Variants in RFX3 observed in about 807,000 individuals in gnomAD.
The protein encoded by RFX3 is regulatory factor X3.
RFX3 carries 14 observed loss-of-function variants against 98.6 expected under a neutral mutation model. That is an observed-to-expected ratio of 0.14 (90% confidence interval 0.09 to 0.22). RFX3 has a LOEUF of 0.22. RFX3 is among the 10% of genes least tolerant of loss of function. The pLI, the probability that RFX3 is intolerant of heterozygous loss-of-function variation, is 1.00. For synonymous variants in RFX3, 383 were observed against 328.4 expected, an observed-to-expected ratio of 1.17 and a Z score of -1.80; for missense variants, 639 against 926.9, an observed-to-expected ratio of 0.69 and a Z score of 4.03.
intron 2 of RFX3, among the ~76,000 whole-genome samples, chr9:3,379,616 T>C (rs1352260517): frequency 6.6e-6 from 1 of 152,194 alleles, no homozygotes; most frequent in Non-Finnish European, 1.5e-5. Context: ...CATCTATTAA[T>C]AGATTCAATT....
At chr9:3,471,646 T>C (rs1332048005) in intron 1 of RFX3, among the ~76,000 whole-genome samples, 1 of 152,236 alleles carries the variant, frequency 6.6e-6, no homozygotes, top group Non-Finnish European at 1.5e-5. Flanking sequence ...TCTAAGACTT[T>C]TAAGAAAATT....
At chr9:3,499,258 C>T (rs1815715007) in intron 1 of RFX3, among the ~76,000 whole-genome samples, 2 of 151,980 alleles carry the variant, frequency 1.3e-5, no homozygotes, top group African/African-American at 4.8e-5. Flanking sequence ...GTACCTTCAA[C>T]TTTTATAAAC....
At chr9:3,438,385 G>A (rs1364343865) in intron 1 of RFX3, among the ~76,000 whole-genome samples, 4 of 151,900 alleles carry the variant, frequency 2.6e-5, no homozygotes, top group African/African-American at 9.7e-5. Flanking sequence ...ATTGGAGCTA[G>A]GTCAAGAGGA....
chr9:3,305,869 T>C (rs1829243778), intron 4 of RFX3, among the ~76,000 whole-genome samples: 1 of 152,056 alleles, frequency 6.6e-6, no homozygotes, highest in South Asian at 2.1e-4. Context: ...TAAATATTTG[T>C]TCAACCTTCT....
rs1310825386 is a variant in RFX3, at chr9:3,222,855, T to C, written c.*2187A>G. 4 of 152,196 alleles carry C rather than the reference T, an allele frequency of 2.6e-5. No homozygotes were observed. Among genetic ancestry groups the C allele is most frequent in the African/African-American group, 9.6e-5 (4 of 41,462 alleles). The allele number at this position is 152,196 out of a possible 1,614,324, so 9.4% of individuals were successfully genotyped here. A position where few individuals can be genotyped will look rare whatever the true frequency, so the allele number is the denominator to read the frequency against. ...GATGCTACTATGCTAGTGAAGACTT[T>C]CAAATATATGAGTGAGTTGTATAAT... On this transcript the variant is annotated 3_prime_UTR_variant, in exon 17 of 17. Coordinates refer to ENST00000617270, the MANE Select transcript of RFX3 (RefSeq NM_001282116.2).
At chr9:3,494,633 C>A (rs903813252) in intron 1 of RFX3, among the ~76,000 whole-genome samples, 1 of 152,060 alleles carries the variant, frequency 6.6e-6, no homozygotes, top group African/African-American at 2.4e-5. Context: ...ATATAATAAA[C>A]ATTCATTAAT....
At chr9:3,232,233 G>T (rs1162970811) in intron 15 of RFX3, among the ~76,000 whole-genome samples, 1 of 152,196 alleles carries the variant, frequency 6.6e-6, no homozygotes, top group African/African-American at 2.4e-5. Context: ...ATTAGAGGGG[G>T]CTACTCTTCA....
chr9:3,450,051 C>G (rs948541436), intron 1 of RFX3, among the ~76,000 whole-genome samples: 6 of 152,136 alleles, frequency 3.9e-5, no homozygotes. Context: ...AATCTGGTTG[C>G]TTGATGGGCT....
intron 15 of RFX3, among the ~76,000 whole-genome samples, chr9:3,233,338 T>A (rs1818728253): frequency 6.6e-6 from 1 of 152,200 alleles, no homozygotes; most frequent in Non-Finnish European, 1.5e-5. Context: ...TATCTATACC[T>A]GAGCATACTG....
intron 3 of RFX3, among the ~76,000 whole-genome samples, chr9:3,335,113 C>T (rs1293840908): frequency 6.6e-6 from 1 of 151,744 alleles, no homozygotes; most frequent in African/African-American, 2.4e-5. Context: ...AGCGAAACTC[C>T]ATCTCAAAAA....
At chr9:3,324,938 T>C (rs1200670319) in intron 4 of RFX3, among the ~76,000 whole-genome samples, 1 of 152,068 alleles carries the variant, frequency 6.6e-6, no homozygotes, top group Non-Finnish European at 1.5e-5. Context: ...CACTCCAGCC[T>C]GGGTGGCAGA....
chr9:3,262,120 T>C (rs1274228767), intron 13 of RFX3, among the ~76,000 whole-genome samples: 1 of 152,216 alleles, frequency 6.6e-6, no homozygotes. Flanking sequence ...ATGGTCTCTT[T>C]TGAAACCCCA....
intron 7 of RFX3, among the ~76,000 whole-genome samples, chr9:3,280,154 T>C (rs1825749441): frequency 6.6e-6 from 1 of 151,880 alleles, no homozygotes; most frequent in South Asian, 2.1e-4. Context: ...GTGCATTCAT[T>C]CTTGGTTGCT....
At chr9:3,231,013 T>A (rs1208535964) in intron 15 of RFX3, among the ~76,000 whole-genome samples, 2 of 152,244 alleles carry the variant, frequency 1.3e-5, no homozygotes, top group Non-Finnish European at 2.9e-5. Context: ...ATACATTTGA[T>A]AATTCAGAGG....
chr9:3,472,396 G>A lies in RFX3; in HGVS notation c.-9+53351C>T, dbSNP rs1848854831. On this transcript the variant is annotated intron_variant, in intron 1 of 16. Coordinates refer to ENST00000617270, the MANE Select transcript of RFX3 (RefSeq NM_001282116.2). ...TAAAATCTAGATAACACACCCTAGTGAGATACTGTAATGAGAAAATGATGT... is the reference window on the plus strand; with the variant it reads ...TAAAATCTAGATAACACACCCTAGTAAGATACTGTAATGAGAAAATGATGT... Among the ~76,000 whole-genome samples the A allele has an allele frequency of 2.0e-5, 3 of 152,256 alleles. No homozygotes were observed. In the South Asian group the frequency reaches 6.2e-4, roughly 32 times the overall value.
At position 3,220,345 on chromosome 9, in the gene RFX3, A is replaced by G. The variant is rs1239506108; in HGVS notation, c.*4697T>C. The stretch of plus-strand genomic sequence containing the variant: ...TTTGATTCATTTTGGGAAAAAAAAG[A>G]CAAAAAAAAAAGAAACTTAACCCTT... On this transcript the variant is annotated 3_prime_UTR_variant, in exon 17 of 17. Coordinates refer to ENST00000617270, the MANE Select transcript of RFX3 (RefSeq NM_001282116.2). 1.3e-5 allele frequency: 2 copies of G among 149,100 alleles called. No homozygotes were observed. The highest frequency in any genetic ancestry group is 5.2e-5 in the African/African-American group (2 of 38,738). The allele number at this position is 149,100 out of a possible 1,614,324, so 9.2% of individuals were successfully genotyped here.
At chr9:3,504,231 T>C (rs1352138386) in intron 1 of RFX3, among the ~76,000 whole-genome samples, 2 of 133,996 alleles carry the variant, frequency 1.5e-5, no homozygotes, top group Admixed American at 8.5e-5. Context: ...TATTATATAC[T>C]ATATATTATA....
rs548618856 is a variant in RFX3 at position 3,500,335 on chromosome 9, G to A, written c.-9+25412C>T. On this transcript the variant is annotated intron_variant, in intron 1 of 16. Transcript: ENST00000617270. Reference sequence around the variant, plus strand: ...GAAAATGACGGACAAGAACGTGTTAGAAAGAGAACTGAAAGAGGATTTGTT... The same window carrying A: ...GAAAATGACGGACAAGAACGTGTTAAAAAGAGAACTGAAAGAGGATTTGTT... Among the ~76,000 whole-genome samples, 4 of 152,232 alleles carry A rather than the reference G, an allele frequency of 2.6e-5. No homozygotes were observed. The South Asian group carries it at 8.3e-4, about 32-fold the overall frequency.
At chr9:3,328,864 C>A (rs984185456) in intron 4 of RFX3, among the ~76,000 whole-genome samples, 2 of 152,052 alleles carry the variant, frequency 1.3e-5, no homozygotes, top group African/African-American at 4.8e-5. Context: ...TATTTCATTG[C>A]AAGAACAAAC....
Sources: gnomAD v4.1 joint callset for allele counts (sites outside exome capture counted in the v4.1 genomes callset) on GRCh38, gnomAD v4.1.1 for gene constraint, MANE v1.5 for transcripts, NCBI Gene and HGNC (gene_info 2026-07-23, HGNC 2026-07-21) for gene names.